Variants in SEC63 observed in about 807,000 individuals in gnomAD.
SEC63 encodes the protein translocation protein SEC63 homolog.
In SEC63, 56 loss-of-function variants were observed where a neutral mutation model predicts 116.2. The observed-to-expected ratio is 0.48, with a 90% CI of 0.39 to 0.60. The LOEUF (loss-of-function observed/expected upper bound fraction) is 0.60, where lower values mean the gene tolerates loss of function less well. SEC63 is among the 20% of genes least tolerant of loss of function. SEC63 has a pLI of 0.00. For synonymous variants in SEC63, 273 were observed against 294.6 expected (o/e 0.93, Z 0.75); for missense variants, 668 against 900.0 (o/e 0.74, Z 3.30).
intron 4 of SEC63, among the ~76,000 whole-genome samples, chr6:107,919,691 G>A (rs559695510): frequency 1.1e-4 from 16 of 151,974 alleles, no homozygotes; most frequent in African/African-American, 2.7e-4. Flanking sequence ...GCATGTTGGC[G>A]GGTGCCTGTA....
rs2114531005 is a variant in SEC63, at chr6:107,958,106, G to T, written c.-97C>A. On this transcript the variant is annotated 5_prime_UTR_variant, in exon 1 of 21. Coordinates refer to ENST00000369002, the MANE Select transcript of SEC63 (RefSeq NM_007214.5). ...GCCCCGGCCCGAGTGGCGTAGCTTGGACACTGCCGCCGCCGCCTCTCCTCC... is the reference window on the plus strand; with the variant it reads ...GCCCCGGCCCGAGTGGCGTAGCTTGTACACTGCCGCCGCCGCCTCTCCTCC... 1.3e-6 allele frequency: 2 copies of T among 1,564,088 alleles called. No individual in the cohort carries two copies. The highest frequency in any genetic ancestry group is 4.6e-5 in the East Asian group (2 of 43,664).
chr6:107,916,967 G>A (rs1235833924), intron 4 of SEC63, among the ~76,000 whole-genome samples: 1 of 152,118 alleles, frequency 6.6e-6, no homozygotes, highest in African/African-American at 2.4e-5. Context: ...GCCATAAACT[G>A]GCCCCAAGAC....
chr6:107,955,760 C>A (rs1349773710), intron 1 of SEC63, among the ~76,000 whole-genome samples: 2 of 152,050 alleles, frequency 1.3e-5, no homozygotes, highest in East Asian at 3.9e-4. Flanking sequence ...GTGGTGCACG[C>A]CTGTAATCCC....
chr6:107,876,757 T>G, intron 18 of SEC63, 95 bp from the exon 19 acceptor site: 1 of 756,108 alleles, frequency 1.3e-6, no homozygotes, highest in Non-Finnish European at 2.3e-6. Flanking sequence ...ATCTTAGAGA[T>G]CCTCTGCACT....
chr6:107,931,069 C>T lies in SEC63; in HGVS notation c.125-1555G>A, dbSNP rs1348139359. On this transcript the variant is annotated intron_variant, in intron 1 of 20. Transcript: ENST00000369002. ...TTAAGGCTGGGTGCAGTGGCTCACA[C>T]CTGTAATCCCAGCACTTTGGGAGGC... is the stretch of plus-strand genomic sequence containing the variant. Among the ~76,000 whole-genome samples, 5 of 150,838 alleles carry T rather than the reference C, an allele frequency of 3.3e-5. No homozygotes were observed. The South Asian group carries it at 6.3e-4, about 19-fold the overall frequency.
intron 4 of SEC63, among the ~76,000 whole-genome samples, chr6:107,915,894 C>T (rs535316597): frequency 3.3e-5 from 5 of 152,164 alleles, no homozygotes; most frequent in East Asian, 3.9e-4. Context: ...CTAGGTCCCA[C>T]GATCACTTCA....
chr6:107,957,768 C>G, intron 1 of SEC63, 118 bp downstream of exon 1: 2 of 1,131,294 alleles, frequency 1.8e-6, no homozygotes, highest in South Asian at 5.1e-5. Flanking sequence ...CAGGCCGGGC[C>G]GCACCGTCCC....
chr6:107,918,353 T>G (rs1365413927), intron 4 of SEC63, among the ~76,000 whole-genome samples: 1 of 152,180 alleles, frequency 6.6e-6, no homozygotes, highest in African/African-American at 2.4e-5. Context: ...TTTTCACACC[T>G]GCTAACACAA....
At chr6:107,956,421 A>G (rs1770711891) in intron 1 of SEC63, among the ~76,000 whole-genome samples, 1 of 152,186 alleles carries the variant, frequency 6.6e-6, no homozygotes, top group African/African-American at 2.4e-5. Context: ...TTAAGACTTC[A>G]CTTATACACA....
intron 1 of SEC63, among the ~76,000 whole-genome samples, chr6:107,954,090 A>T (rs1317173446): frequency 6.6e-6 from 1 of 152,092 alleles, no homozygotes; most frequent in African/African-American, 2.4e-5. Context: ...AAAGAGGTAG[A>T]CACGGGAGAC....
At chr6:107,872,333 T>C (rs1786154074) in intron 20 of SEC63, among the ~76,000 whole-genome samples, 1 of 152,212 alleles carries the variant, frequency 6.6e-6, no homozygotes, top group South Asian at 2.1e-4. Context: ...ATAATACTTT[T>C]AGCACCATCT....
chr6:107,871,987 T>TGA (rs1786145953), intron 20 of SEC63, 140 bp from the exon 21 acceptor site: 1 of 810,784 alleles, frequency 1.2e-6, no homozygotes, highest in Non-Finnish European at 2.0e-6. Flanking sequence ...ATTCAACTCA[T>TGA]TCATTTAGAA....
At chr6:107,901,582 A>G in intron 12 of SEC63, 65 bp from the exon 13 acceptor site, 1 of 1,181,052 alleles carries the variant, frequency 8.5e-7, no homozygotes, top group South Asian at 1.4e-5. Context: ...TAAAAAGAAA[A>G]TTACTCACAT....
intron 4 of SEC63, among the ~76,000 whole-genome samples, chr6:107,915,768 C>T (rs978079045): frequency 3.3e-5 from 5 of 152,132 alleles, no homozygotes; most frequent in Non-Finnish European, 7.4e-5. Flanking sequence ...TCCAAGGCTG[C>T]TAGAGTTATT....
At chr6:107,939,157 C>G (rs573243796) in intron 1 of SEC63, among the ~76,000 whole-genome samples, 41 of 152,028 alleles carry the variant, frequency 2.7e-4, no homozygotes, top group Non-Finnish European at 5.4e-4. Flanking sequence ...GTGGTACACA[C>G]CTACAGTCCC....
rs758659444 is a variant in SEC63 at position 107,913,440 on chromosome 6, G to C, written c.453-13C>G. 2 of 1,609,242 alleles carry C rather than the reference G, an allele frequency of 1.2e-6. No individual in the cohort carries two copies. Among genetic ancestry groups the C allele is most frequent in the Non-Finnish European group, 1.7e-6 (2 of 1,175,832 alleles). ...TTCATCCGTTAAACTAGCATCAAAA[G>C]AACAAAGTTGCAAAATTAGAAAGCC... On this transcript the variant is annotated splice_polypyrimidine_tract_variant and intron_variant, in intron 4 of 20. Transcript: ENST00000369002.
rs555443902 is a variant in SEC63 at position 107,904,229 on chromosome 6, G to A, written c.1054+400C>T. ...GATGGAGACCATCCTGGCCAACATG[G>A]TAAAACCCTGTCTCTACCAAAAATA... On this transcript the variant is annotated intron_variant, in intron 11 of 20. Coordinates refer to ENST00000369002, the MANE Select transcript of SEC63 (RefSeq NM_007214.5). Among the ~76,000 whole-genome samples the A allele has an allele frequency of 6.9e-4, 103 of 149,734 alleles. No individual in the cohort carries two copies. In the Middle Eastern group the frequency reaches 0.01, roughly 15 times the overall value.
chr6:107,905,496 CTT>C (rs1787129806), intron 10 of SEC63, among the ~76,000 whole-genome samples: 1 of 152,136 alleles, frequency 6.6e-6, no homozygotes, highest in African/African-American at 2.4e-5. Flanking sequence ...TAGTAACTGT[CTT>C]TTAAAACTTT....
At chr6:107,888,831 G>GC (rs1285821672) in intron 16 of SEC63, among the ~76,000 whole-genome samples, 2 of 152,138 alleles carry the variant, frequency 1.3e-5, no homozygotes, top group African/African-American at 4.8e-5. Flanking sequence ...GGCCTTTTCT[G>GC]CATCTATTGA....
Sources: gnomAD v4.1 joint callset for allele counts (sites outside exome capture counted in the v4.1 genomes callset) on GRCh38, gnomAD v4.1.1 for gene constraint, MANE v1.5 for transcripts, NCBI Gene and HGNC (gene_info 2026-07-23, HGNC 2026-07-21) for gene names.